Variants in EGFR observed in about 807,000 individuals in gnomAD.
The protein encoded by EGFR is avian erythroblastic leukemia viral (v-erb-b) oncogene homolog.
A neutral mutation model predicts 143.0 loss-of-function variants in EGFR; 58 were observed. The observed-to-expected ratio is 0.41, with a 90% CI of 0.33 to 0.50. EGFR has a LOEUF of 0.50. EGFR is among the 20% of genes least tolerant of loss of function. EGFR has a pLI of 0.39. For synonymous variants in EGFR, 613 were observed against 594.4 expected, an observed-to-expected ratio of 1.03 and a Z score of -0.45; for missense variants, 1,307 against 1,579.0, an observed-to-expected ratio of 0.83 and a Z score of 2.92.
At chr7:55,153,212 C>T (rs11770531) in intron 6 of EGFR, among the ~76,000 whole-genome samples, 14,976 of 152,258 alleles carry the variant, frequency 0.098, 837 homozygotes, top group Middle Eastern at 0.19. Flanking sequence ...TGCACCCTGC[C>T]CTCAAGGGGT....
At chr7:55,201,906 T>C in intron 26 of EGFR, 124 bp downstream of exon 26, 3 of 1,213,434 alleles carry the variant, frequency 2.5e-6, no homozygotes, top group Non-Finnish European at 3.6e-6. Context: ...CCTGTGTGGG[T>C]TTTTCCCTGC....
At position 55,138,123 on chromosome 7, in the gene EGFR, A is replaced by C. The variant is rs142184211; in HGVS notation, c.89-4163A>C. On this transcript the variant is annotated intron_variant, in intron 1 of 27. Transcript: ENST00000275493. Reference sequence around the variant, plus strand: ...TGACAGACAGAAAAATAGATATGTGATAAGGTGAATGTAGTAAAATGCTAA... The same window carrying C: ...TGACAGACAGAAAAATAGATATGTGCTAAGGTGAATGTAGTAAAATGCTAA... Among the ~76,000 whole-genome samples the C allele has an allele frequency of 3.7e-4, 57 of 152,362 alleles. 1 individual carries two copies. Among genetic ancestry groups the C allele is most frequent in the African/African-American group, 1.2e-3 (50 of 41,582 alleles).
In EGFR at chr7:55,019,550, G is replaced by T. The variant is rs1046941443; in HGVS notation, c.88+185G>T. ...GAGGAACGGGACGTTTCGTTCTTCG[G>T]CCGGGAGAGTCTGGGGCGGGCGGAG... is the stretch of plus-strand genomic sequence containing the variant. On this transcript the variant is annotated intron_variant, in intron 1 of 27. Coordinates refer to ENST00000275493, the MANE Select transcript of EGFR (RefSeq NM_005228.5). Among the ~76,000 whole-genome samples the T allele has an allele frequency of 3.9e-5, 6 of 152,102 alleles. No homozygotes were observed. In the East Asian group the frequency reaches 7.7e-4, roughly 20 times the overall value.
At chr7:55,103,163 A>G (rs1191993639) in intron 1 of EGFR, among the ~76,000 whole-genome samples, 1 of 152,154 alleles carries the variant, frequency 6.6e-6, no homozygotes, top group African/African-American at 2.4e-5. Flanking sequence ...CTGCTTCCGA[A>G]TGTCCTCCCC....
Position 55,109,841 on chromosome 7 carries a change from T to G in EGFR, c.89-32445T>G, listed in dbSNP as rs78572700. On this transcript the variant is annotated intron_variant, in intron 1 of 27. Transcript: ENST00000275493. The stretch of plus-strand genomic sequence containing the variant: ...TCCTTTTGAATGAGCTCTAAAACAG[T>G]TCTCCACTGGACTTCAGAACAAGAG... 1.4e-4 allele frequency: 137 copies of G among 985,446 alleles called. 1 individual carries two copies. In the African/African-American group the frequency reaches 2.2e-3, roughly 16 times the overall value. 61.0% of individuals were successfully genotyped at this position (985,446 alleles called of 1,614,324 possible).
At chr7:55,024,345 G>A (rs953229980) in intron 1 of EGFR, among the ~76,000 whole-genome samples, 2 of 152,190 alleles carry the variant, frequency 1.3e-5, no homozygotes, top group Non-Finnish European at 2.9e-5. Context: ...GCTTGCTTTA[G>A]CAAGCAGTAT....
Position 55,034,737 on chromosome 7 carries a change from CT to C in EGFR, c.88+15374del, listed in dbSNP as rs1410029092. On this transcript the variant is annotated intron_variant, in intron 1 of 27. Coordinates refer to ENST00000275493, the MANE Select transcript of EGFR (RefSeq NM_005228.5). Reference sequence around the variant, plus strand: ...ATCATAAATTAATGCATGCTGGAGACTTGCTGTTTCCTACTAGCAGCATATA... The same window carrying C: ...ATCATAAATTAATGCATGCTGGAGACTGCTGTTTCCTACTAGCAGCATATA... Among the ~76,000 whole-genome samples, 8 of 152,340 alleles carry C rather than the reference CT, an allele frequency of 5.3e-5. No homozygotes were observed. The East Asian group carries it at 1.3e-3, about 26-fold the overall frequency.
At chr7:55,173,222 T>A (rs973380683) in intron 17 of EGFR, 98 bp downstream of exon 17, 1 of 1,508,058 alleles carries the variant, frequency 6.6e-7, no homozygotes, top group African/African-American at 1.4e-5. Flanking sequence ...GTATGTTAGA[T>A]ACATAATTGT....
At chr7:55,036,025 T>C (rs950109476) in intron 1 of EGFR, among the ~76,000 whole-genome samples, 3 of 152,052 alleles carry the variant, frequency 2.0e-5, no homozygotes, top group Non-Finnish European at 2.9e-5. Context: ...ACTCATAGCC[T>C]TTCACAGCAT....
At chr7:55,061,645 T>A (rs62449589) in intron 1 of EGFR, among the ~76,000 whole-genome samples, 154 of 108,704 alleles carry the variant, frequency 1.4e-3, no homozygotes, top group African/African-American at 3.6e-3. Context: ...TGTGTGTGTG[T>A]GTGTGAGAGA....
rs2128926462 is a variant in EGFR, at chr7:55,142,439, T to A, written c.240+2T>A. On this transcript the variant is annotated splice_donor_variant, in intron 2 of 27. Coordinates refer to ENST00000275493, the MANE Select transcript of EGFR (RefSeq NM_005228.5). LOFTEE classifies it high-confidence loss of function. ...AATTATGATCTTTCCTTCTTAAAGGTTGGTGACTTTGATTTTCCTACACAA... is the reference window on the plus strand; with the variant it reads ...AATTATGATCTTTCCTTCTTAAAGGATGGTGACTTTGATTTTCCTACACAA... The A allele has an allele frequency of 6.2e-7, 1 of 1,613,874 alleles. No homozygotes were observed. Among genetic ancestry groups the A allele is most frequent in the South Asian group, 1.1e-5 (1 of 91,074 alleles).
rs1788193344 is a variant in EGFR, at chr7:55,209,702, T to C, written c.*4085T>C. ...CTGCCATACCAGGGGTACAGCTTTG[T>C]ACTATTGAAGACACAGACAGGATTT... On this transcript the variant is annotated 3_prime_UTR_variant, in exon 28 of 28. Transcript: ENST00000275493. 2 of 152,254 alleles carry C rather than the reference T, an allele frequency of 1.3e-5. No individual in the cohort carries two copies. The highest frequency in any genetic ancestry group is 4.1e-4 in the South Asian group (2 of 4,834). 9.4% of individuals were successfully genotyped at this position (152,254 alleles called of 1,614,324 possible). A position where few individuals can be genotyped will look rare whatever the true frequency, so the allele number is the denominator to read the frequency against.
intron 1 of EGFR, among the ~76,000 whole-genome samples, chr7:55,136,101 A>G (rs866453483): frequency 9.2e-5 from 14 of 152,206 alleles, no homozygotes; most frequent in African/African-American, 3.1e-4. Flanking sequence ...TGAGATGTGT[A>G]TACATGTTCA....
At chr7:55,037,422 C>T (rs906345283) in intron 1 of EGFR, among the ~76,000 whole-genome samples, 4 of 152,188 alleles carry the variant, frequency 2.6e-5, no homozygotes, top group Non-Finnish European at 4.4e-5. Flanking sequence ...GAAAGGTGGT[C>T]ACGAGAAGCC....
chr7:55,178,931 C>T (rs942098952), intron 19 of EGFR, among the ~76,000 whole-genome samples: 1 of 152,184 alleles, frequency 6.6e-6, no homozygotes, highest in Non-Finnish European at 1.5e-5. Context: ...CAGTTCAACC[C>T]TGACAGTTTT....
intron 7 of EGFR, 70 bp downstream of exon 7, chr7:55,154,222 T>C: frequency 6.2e-7 from 1 of 1,606,628 alleles, no homozygotes; most frequent in Non-Finnish European, 8.5e-7. Context: ...TGCTGAGCCC[T>C]GGAGTATCCC....
intron 1 of EGFR, among the ~76,000 whole-genome samples, chr7:55,027,994 ATATATATAT>A (rs1562650533): frequency 5.8e-4 from 32 of 55,100 alleles, no homozygotes; most frequent in African/African-American, 1.5e-3. Context: ...AAAAAAAAAT[ATATATATAT>A]ATATATATAT....
chr7:55,092,316 G>A (rs1032054349), intron 1 of EGFR, among the ~76,000 whole-genome samples: 1 of 152,218 alleles, frequency 6.6e-6, no homozygotes, highest in Non-Finnish European at 1.5e-5. Context: ...TAGAGGATGA[G>A]ACTGGGTGGC....
chr7:55,157,410 GC>G (rs1785479700), intron 10 of EGFR, among the ~76,000 whole-genome samples: 1 of 151,924 alleles, frequency 6.6e-6, no homozygotes, highest in African/African-American at 2.4e-5. Context: ...GGGTCTCAGG[GC>G]CACAGCCAGG....
Sources: allele counts gnomAD v4.1 joint callset (sites outside exome capture counted in the v4.1 genomes callset), GRCh38; gene constraint gnomAD v4.1.1; transcripts MANE v1.5; gene names NCBI Gene and HGNC (gene_info 2026-07-23, HGNC 2026-07-21).